SH3RF3: variants seen among roughly 807,000 people sequenced by gnomAD.
SH3RF3 encodes SH3 domain containing ring finger 3, also known as E3 ubiquitin-protein ligase SH3RF3.
A neutral mutation model predicts 66.3 loss-of-function variants in SH3RF3; 29 were observed. The observed-to-expected ratio is 0.44, with a 90% CI of 0.33 to 0.60. SH3RF3 has a LOEUF of 0.60. Among genes scored for constraint, SH3RF3 ranks in the 20% least tolerant of loss-of-function variants. The probability of loss-of-function intolerance (pLI) is 0.04; values close to 1 mark genes in which losing one functional copy is unlikely to be tolerated. For missense variants in SH3RF3, 1,194 were observed against 1,190.9 expected (o/e 1.00, Z -0.04); for synonymous variants, 583 against 532.0 (o/e 1.10, Z -1.32).
At chr2:109,201,022 G>A (rs1678659075) in intron 1 of SH3RF3, among the ~76,000 whole-genome samples, 1 of 152,174 alleles carries the variant, frequency 6.6e-6, no homozygotes, top group African/African-American at 2.4e-5. Context: ...AAGTGGCTGT[G>A]GGGACCTGGG....
At chr2:109,385,338 C>G (rs115572833) in intron 3 of SH3RF3, among the ~76,000 whole-genome samples, 2 of 152,216 alleles carry the variant, frequency 1.3e-5, no homozygotes, top group Non-Finnish European at 2.9e-5. Flanking sequence ...AGTTTGGGGG[C>G]CCTGCACAAC....
At chr2:109,429,693 C>T (rs1417772507) in intron 5 of SH3RF3, among the ~76,000 whole-genome samples, 1 of 152,170 alleles carries the variant, frequency 6.6e-6, no homozygotes, top group Non-Finnish European at 1.5e-5. Flanking sequence ...CCTGGCCCTA[C>T]CCCTGAACAT....
chr2:109,486,510 C>T (rs1213626801), intron 8 of SH3RF3, among the ~76,000 whole-genome samples: 1 of 152,220 alleles, frequency 6.6e-6, no homozygotes, highest in Non-Finnish European at 1.5e-5. Context: ...TGAGTAAACA[C>T]ATTATAAAAA....
At chr2:109,380,632 C>T (rs995984077) in intron 3 of SH3RF3, among the ~76,000 whole-genome samples, 8 of 152,204 alleles carry the variant, frequency 5.3e-5, no homozygotes, top group South Asian at 4.1e-4. Context: ...TAGCCCTGAC[C>T]GCAGCCTGAG....
intron 4 of SH3RF3, among the ~76,000 whole-genome samples, chr2:109,414,141 C>T (rs1370370745): frequency 6.6e-6 from 1 of 152,242 alleles, no homozygotes; most frequent in Non-Finnish European, 1.5e-5. Flanking sequence ...TGGTGTCCCG[C>T]AGATGGGGCC....
At position 109,150,666 on chromosome 2, in the gene SH3RF3, G is replaced by A. The variant is rs181804096; in HGVS notation, c.573+20553G>A. 3.4e-3 allele frequency among the ~76,000 whole-genome samples: 521 copies of A among 152,104 alleles called. 2 individuals carry two copies. Among genetic ancestry groups the A allele is most frequent in the African/African-American group, 0.011 (471 of 41,480 alleles). ...GGGATCTGAGCTCAGGCTGCCTCTG[G>A]TTCCAGTCTGGCTCTACATTTCTGG... is the stretch of plus-strand genomic sequence containing the variant. On this transcript the variant is annotated intron_variant, in intron 1 of 9. Coordinates refer to ENST00000309415, the MANE Select transcript of SH3RF3 (RefSeq NM_001099289.3).
At chr2:109,212,439 A>G (rs1679008182) in intron 1 of SH3RF3, among the ~76,000 whole-genome samples, 1 of 152,200 alleles carries the variant, frequency 6.6e-6, no homozygotes, top group Non-Finnish European at 1.5e-5. Flanking sequence ...GAAAAACAAT[A>G]CAAAAGTCTC....
intron 4 of SH3RF3, among the ~76,000 whole-genome samples, chr2:109,413,917 C>T (rs912836024): frequency 2.4e-4 from 37 of 151,566 alleles, no homozygotes; most frequent in Admixed American, 7.2e-4. Context: ...AGTGGTCCAG[C>T]AGGGGCAGTC....
intron 1 of SH3RF3, among the ~76,000 whole-genome samples, chr2:109,132,794 A>C (rs1256781638): frequency 2.0e-5 from 3 of 152,250 alleles, no homozygotes; most frequent in Non-Finnish European, 2.9e-5. Flanking sequence ...ATTTTGCAAG[A>C]AAATCCCTTT....
chr2:109,365,653 T>G (rs1175640345), intron 2 of SH3RF3, among the ~76,000 whole-genome samples: 1 of 152,222 alleles, frequency 6.6e-6, no homozygotes, highest in Non-Finnish European at 1.5e-5. Context: ...TGATAGTTAC[T>G]GTGGCGGTTG....
intron 5 of SH3RF3, among the ~76,000 whole-genome samples, chr2:109,421,200 T>C (rs1019189896): frequency 6.6e-6 from 1 of 152,220 alleles, no homozygotes; most frequent in Non-Finnish European, 1.5e-5. Flanking sequence ...CACAGTGGGA[T>C]AGCCCTGATG....
intron 8 of SH3RF3, among the ~76,000 whole-genome samples, chr2:109,467,966 G>C (rs1409405241): frequency 6.6e-6 from 1 of 152,246 alleles, no homozygotes; most frequent in Non-Finnish European, 1.5e-5. Flanking sequence ...TGCTGGGTCA[G>C]AGGCAGAGAG....
At chr2:109,279,282 CA>C (rs1295225709) in intron 1 of SH3RF3, among the ~76,000 whole-genome samples, 1 of 152,300 alleles carries the variant, frequency 6.6e-6, no homozygotes, top group South Asian at 2.1e-4. Flanking sequence ...TTTGTTCTTC[CA>C]AGGTTAACTG....
At chr2:109,463,859 T>C (rs1453469265) in intron 8 of SH3RF3, among the ~76,000 whole-genome samples, 1 of 152,168 alleles carries the variant, frequency 6.6e-6, no homozygotes, top group Non-Finnish European at 1.5e-5. Context: ...ACTGATTCCC[T>C]CAGCTGGGCT....
intron 3 of SH3RF3, among the ~76,000 whole-genome samples, chr2:109,390,906 C>T (rs1262710659): frequency 1.3e-5 from 2 of 152,192 alleles, no homozygotes; most frequent in South Asian, 2.1e-4. Flanking sequence ...GGCATGAATG[C>T]TGCTGTGGGC....
At chr2:109,297,715 A>G (rs1574557583) in intron 1 of SH3RF3, among the ~76,000 whole-genome samples, 1 of 104,226 alleles carries the variant, frequency 9.6e-6, no homozygotes. Flanking sequence ...CATGCCCCCC[A>G]ACTGGGTCCG....
At chr2:109,350,289 G>A (rs1682811329) in intron 2 of SH3RF3, among the ~76,000 whole-genome samples, 1 of 152,220 alleles carries the variant, frequency 6.6e-6, no homozygotes, top group Admixed American at 6.5e-5. Context: ...GAGGTCAGAG[G>A]CGCCAGCCAC....
intron 9 of SH3RF3, among the ~76,000 whole-genome samples, chr2:109,493,428 A>C (rs1679181560): frequency 6.6e-6 from 1 of 151,478 alleles, no homozygotes; most frequent in Non-Finnish European, 1.5e-5. Flanking sequence ...ATGCAAACAC[A>C]GACTACACAC....
intron 3 of SH3RF3, among the ~76,000 whole-genome samples, chr2:109,381,906 T>G (rs113717253): frequency 0.022 from 3,310 of 152,168 alleles, 86 homozygotes; most frequent in African/African-American, 0.059. Flanking sequence ...TGGGCAAACA[T>G]GTACGTAACA....
Sources: allele counts gnomAD v4.1 joint callset (sites outside exome capture counted in the v4.1 genomes callset), GRCh38; gene constraint gnomAD v4.1.1; transcripts MANE v1.5; gene names NCBI Gene and HGNC (gene_info 2026-07-23, HGNC 2026-07-21).